Variants in STAP2 observed in about 807,000 individuals in gnomAD.
STAP2 encodes the protein signal-transducing adaptor protein 2.
Under a neutral mutation model 52.7 loss-of-function variants are expected in STAP2, and 58 were observed. The observed-to-expected ratio is 1.10, with a 90% CI of 0.89 to 1.37. The LOEUF (loss-of-function observed/expected upper bound fraction) is 1.37, where lower values mean the gene tolerates loss of function less well. STAP2 is among the 40% of genes most tolerant of loss of function. STAP2 has a pLI of 0.00. For missense variants in STAP2, 522 were observed against 519.4 expected (o/e 1.00, Z -0.05); for synonymous variants, 231 against 210.5 (o/e 1.10, Z -0.84).
In STAP2 at chr19:4,328,872, A is replaced by T; in HGVS notation, c.456-63T>A. 1.9e-6 allele frequency: 3 copies of T among 1,565,826 alleles called. No homozygotes were observed. In the South Asian group the frequency reaches 3.5e-5, roughly 18 times the overall value. On this transcript the variant is annotated intron_variant, in intron 5 of 12. Transcript: ENST00000594605. ...ACCAAGTCCGCTCTTCTGCACGTAA[A>T]CCCTGCCTCCTCTGAGACCCAGCCC...
In STAP2 at chr19:4,325,394, A is replaced by G. The variant is rs1971774102; in HGVS notation, c.979+2T>C. Reference sequence around the variant, plus strand: ...CTCTCAGCAGCTCTGTTCCCCACCCACCATCTTGGTTCTCATAGTCAACAG... The same window carrying G: ...CTCTCAGCAGCTCTGTTCCCCACCCGCCATCTTGGTTCTCATAGTCAACAG... On this transcript the variant is annotated splice_donor_variant, in intron 10 of 12. Coordinates refer to ENST00000594605, the MANE Select transcript of STAP2 (RefSeq NM_001013841.2). LOFTEE classifies it high-confidence loss of function. The G allele has an allele frequency of 6.2e-7, 1 of 1,614,060 alleles. No individual in the cohort carries two copies. Among genetic ancestry groups the G allele is most frequent in the Non-Finnish European group, 8.5e-7 (1 of 1,179,998 alleles).
chr19:4,329,979 C>G lies in STAP2; in HGVS notation c.437G>C (p.Arg146Pro). 3.1e-6 allele frequency: 5 copies of G among 1,613,436 alleles called. No homozygotes were observed. Among genetic ancestry groups the G allele is most frequent in the Non-Finnish European group, 4.2e-6 (5 of 1,179,900 alleles). The change falls in exon 5 of 13, where the codon CGT becomes CCT. Residue 146 changes from arginine (R) to proline (P), a missense_variant. By Grantham distance (103) the Arg-to-Pro change is moderately radical. Transcript: ENST00000594605. The stretch of plus-strand genomic sequence containing the variant: ...CACTCACGAGGGTGTCTCCAGTGCA[C>G]GGCGCGCCTCCTCTTTGGCCAAGAC... ...SEVLAKEEAR[R>P]ALETPSCFLK...
intron 1 of STAP2, among the ~76,000 whole-genome samples, chr19:4,337,925 C>T (rs1021196818): frequency 2.0e-5 from 3 of 151,928 alleles, no homozygotes; most frequent in Non-Finnish European, 4.4e-5. Context: ...GAGGCTGGGG[C>T]GGGAGGTTCA....
In STAP2 at chr19:4,328,617, G is replaced by A. The variant is rs564823533; in HGVS notation, c.590+58C>T. 1,513 of 1,530,542 alleles carry A rather than the reference G, an allele frequency of 9.9e-4. 5 individuals are homozygous for A. Among genetic ancestry groups the A allele is most frequent in the Middle Eastern group, 3.3e-3 (14 of 4,298 alleles). 94.8% of individuals were successfully genotyped at this position (1,530,542 alleles called of 1,614,324 possible). ...CGCCCCTGCTTCTGACCACGCCCCC[G>A]CGCCCACCCTCTTCCCACCCTCCTC... On this transcript the variant is annotated intron_variant, in intron 6 of 12. Coordinates refer to ENST00000594605, the MANE Select transcript of STAP2 (RefSeq NM_001013841.2).
rs1344771074 is a variant in STAP2 at position 4,329,979 on chromosome 19, C to T, written c.437G>A (p.Arg146His). ...SEVLAKEEAR[R>H]ALETPSCFLK... ...CACTCACGAGGGTGTCTCCAGTGCA[C>T]GGCGCGCCTCCTCTTTGGCCAAGAC... The change falls in exon 5 of 13, where the codon CGT becomes CAT. Residue 146 changes from arginine to histidine, a missense_variant. Coordinates refer to ENST00000594605, the MANE Select transcript of STAP2 (RefSeq NM_001013841.2). The T allele has an allele frequency of 5.6e-6, 9 of 1,613,436 alleles. No homozygotes were observed. The highest frequency in any genetic ancestry group is 7.6e-6 in the Non-Finnish European group (9 of 1,179,900).
At position 4,327,379 on chromosome 19, in the gene STAP2, G is replaced by A. The variant is rs774690523; in HGVS notation, c.597C>T (p.His199=). 1.2e-6 allele frequency: 2 copies of A among 1,614,092 alleles called. No homozygotes were observed. The highest frequency in any genetic ancestry group is 1.7e-6 in the Non-Finnish European group (2 of 1,179,980). ...VTTRQMHNGT[H]VVRHYKVKRE... is the part of the protein sequence containing the mutation. ...GCTTCACCTTGTAATGCCGGACCAC[G>A]TGCGTCCTGCACCAGGAGAAAGCGA... The change falls in exon 7 of 13, where the codon CAC becomes CAT. Residue 199 remains histidine (H), a synonymous_variant. Transcript: ENST00000594605.
At chr19:4,328,619 GCCCACCCTCTT>G (rs1971835296) in intron 6 of STAP2, 45 bp downstream of exon 6, 4 of 1,532,972 alleles carry the variant, frequency 2.6e-6, no homozygotes, top group African/African-American at 1.4e-5. Context: ...ACGCCCCCGC[GCCCACCCTCTT>G]CCCACCCTCC....
rs1971744362 is a variant in STAP2, at chr19:4,324,193, C to T, written c.1152G>A (p.Leu384=). 1 of 1,551,128 alleles carries T rather than the reference C, an allele frequency of 6.4e-7. No homozygotes were observed. The highest frequency in any genetic ancestry group is 1.4e-5 in the African/African-American group (1 of 73,050). Reference sequence around the variant, plus strand: ...TCTGTAGCTCTGCCGTCATGTCTGCCAGCCCTGGGGGTTCAGGACCAGGAG... The same window carrying T: ...TCTGTAGCTCTGCCGTCATGTCTGCTAGCCCTGGGGGTTCAGGACCAGGAG... ...SAQPLFPTAG[L]ADMTAELQKK... The change falls in exon 13 of 13, where the codon CTG becomes CTA. Residue 384 remains leucine (L), a synonymous_variant. Transcript: ENST00000594605.
chr19:4,325,206 G>C lies in STAP2; in HGVS notation c.1072+10C>G. 1.3e-6 allele frequency: 2 copies of C among 1,573,152 alleles called. No individual in the cohort carries two copies. The highest frequency in any genetic ancestry group is 1.4e-5 in the African/African-American group (1 of 73,828). On this transcript the variant is annotated intron_variant, in intron 11 of 12. Coordinates refer to ENST00000594605, the MANE Select transcript of STAP2 (RefSeq NM_001013841.2). The stretch of plus-strand genomic sequence containing the variant: ...ATCAGGTGAGGGTGGGATATGGGGG[G>C]GACCCCAACCTGGCTTGGGTCCAAC...
rs1297409992 is a variant in STAP2 at position 4,334,016 on chromosome 19, T to C, written c.131A>G (p.Gln44Arg). The C allele has an allele frequency of 1.9e-6, 3 of 1,612,976 alleles. No individual in the cohort carries two copies. The highest frequency in any genetic ancestry group is 1.7e-6 in the Non-Finnish European group (2 of 1,179,594). The change falls in exon 2 of 13, where the codon CAG becomes CGG. Residue 44 changes from glutamine (Q) to arginine (R), a missense_variant. Coordinates refer to ENST00000594605, the MANE Select transcript of STAP2 (RefSeq NM_001013841.2). ...RDYKKFWAGL[Q>R]GLTIYFYNSN... The stretch of plus-strand genomic sequence containing the variant: ...ATTGTAGAAATAAATGGTGAGACCC[T>C]GCAGGCCTGCCCAGAACTTCTTGTA...
chr19:4,332,552 G>A (rs1396609438), intron 3 of STAP2, among the ~76,000 whole-genome samples: 1 of 151,934 alleles, frequency 6.6e-6, no homozygotes, highest in Non-Finnish European at 1.5e-5. Context: ...GAAAAACATA[G>A]ATCAGGCTGG....
chr19:4,325,560 T>C lies in STAP2; in HGVS notation c.830-15A>G. The C allele has an allele frequency of 6.4e-7, 1 of 1,562,698 alleles. No individual in the cohort carries two copies. The highest frequency in any genetic ancestry group is 8.6e-7 in the Non-Finnish European group (1 of 1,157,628). On this transcript the variant is annotated splice_polypyrimidine_tract_variant and intron_variant, in intron 9 of 12. Coordinates refer to ENST00000594605, the MANE Select transcript of STAP2 (RefSeq NM_001013841.2). ...GGGTGCAGGACCTGATGGGGAAACGTGGTCACTGTCAAGACCCATGTCATA... is the reference window on the plus strand; with the variant it reads ...GGGTGCAGGACCTGATGGGGAAACGCGGTCACTGTCAAGACCCATGTCATA...
rs1186016109 is a variant in STAP2 at position 4,328,700 on chromosome 19, C to T, written c.565G>A (p.Val189Ile). 6.2e-7 allele frequency: 1 copy of T among 1,604,816 alleles called. No homozygotes were observed. The highest frequency in any genetic ancestry group is 8.5e-7 in the Non-Finnish European group (1 of 1,176,626). ...CCGTTGTGCATCTGCCGCGTGGTGA[C>T]CGACACGCCGTCGGCGCCGTCCCCG... The part of the protein sequence containing the change: ...PSGDGADGVS[V>I]TTRQMHNGTH... The change falls in exon 6 of 13, where the codon GTC (valine) becomes ATC (isoleucine). Residue 189 changes from valine to isoleucine, a missense_variant. By Grantham distance (29) the Val-to-Ile change is conservative (BLOSUM62 3). Coordinates refer to ENST00000594605, the MANE Select transcript of STAP2 (RefSeq NM_001013841.2).
chr19:4,338,795 G>A lies in STAP2; in HGVS notation c.-42C>T, dbSNP rs1972022194. The A allele has an allele frequency of 6.3e-7, 1 of 1,585,086 alleles. No homozygotes were observed. Among genetic ancestry groups the A allele is most frequent in the Non-Finnish European group, 8.6e-7 (1 of 1,161,546 alleles). ...TCCGCCTGGCCTCTCCTTCCAGTGG[G>A]TGCCCCAGCTGGGCCGGGAAGCTGA... On this transcript the variant is annotated 5_prime_UTR_variant, in exon 1 of 13. Transcript: ENST00000594605.
chr19:4,336,943 A>G (rs1164851611), intron 1 of STAP2, among the ~76,000 whole-genome samples: 1 of 151,774 alleles, frequency 6.6e-6, no homozygotes, highest in Non-Finnish European at 1.5e-5. Context: ...CTCCCCCATT[A>G]TCTTTCTTAA....
chr19:4,334,220 CTCCCCACCCAT>C (rs1424372181), intron 1 of STAP2, among the ~76,000 whole-genome samples, 176 bp from the exon 2 acceptor site: 2 of 152,066 alleles, frequency 1.3e-5, no homozygotes, highest in Admixed American at 6.6e-5. Flanking sequence ...CAGGGAGATC[CTCCCCACCCAT>C]GGCCCAGCTT....
chr19:4,325,974 A>T (rs1023821065), intron 9 of STAP2, among the ~76,000 whole-genome samples: 1 of 152,128 alleles, frequency 6.6e-6, no homozygotes, highest in Admixed American at 6.5e-5. Context: ...ATCTCAAAAA[A>T]AAAAAAAAGT....
In STAP2 at chr19:4,330,081, C is replaced by T. The variant is rs568544977; in HGVS notation, c.355-20G>A. The T allele has an allele frequency of 5.6e-6, 9 of 1,602,702 alleles. No homozygotes were observed. In the Admixed American group the frequency reaches 6.7e-5, roughly 12 times the overall value. On this transcript the variant is annotated intron_variant, in intron 4 of 12. Coordinates refer to ENST00000594605, the MANE Select transcript of STAP2 (RefSeq NM_001013841.2). The stretch of plus-strand genomic sequence containing the variant: ...ACGGAGCTGAGGGGCGATCGAGGGA[C>T]AGTGACTGCACCTGGCCAGCCGGGA...
At chr19:4,335,184 CTCATCCATCCA>C (rs1011932549) in intron 1 of STAP2, among the ~76,000 whole-genome samples, 2 of 149,270 alleles carry the variant, frequency 1.3e-5, no homozygotes, top group Non-Finnish European at 3.0e-5. Context: ...CCATCCATCC[CTCATCCATCCA>C]TCATCCATCC....
Sources: gnomAD v4.1 joint callset for allele counts (sites outside exome capture counted in the v4.1 genomes callset) on GRCh38, gnomAD v4.1.1 for gene constraint, MANE v1.5 for transcripts, NCBI Gene and HGNC (gene_info 2026-07-23, HGNC 2026-07-21) for gene names.